Variants in ELMO1 observed in about 807,000 individuals in gnomAD.
The protein encoded by ELMO1 is engulfment and cell motility protein 1.
In ELMO1, 26 loss-of-function variants were observed where a neutral mutation model predicts 98.9. That is an observed-to-expected ratio of 0.26 (90% CI 0.19 to 0.36). The LOEUF (loss-of-function observed/expected upper bound fraction) is 0.36. ELMO1 is among the 10% of genes least tolerant of loss of function. The probability of loss-of-function intolerance (pLI) is 1.00; values close to 1 mark genes in which losing one functional copy is unlikely to be tolerated. For missense variants in ELMO1, 627 were observed against 935.2 expected (o/e 0.67, Z 4.30); for synonymous variants, 346 against 346.0 (o/e 1.00, Z 0.00).
At chr7:36,884,487 GAAGA>G (rs1804760656) in intron 18 of ELMO1, among the ~76,000 whole-genome samples, 1 of 152,072 alleles carries the variant, frequency 6.6e-6, no homozygotes, top group Admixed American at 6.5e-5. Flanking sequence ...TTTGAAAGAC[GAAGA>G]AAGAGGAGCA....
chr7:37,005,950 T>C (rs1041669805), intron 16 of ELMO1, among the ~76,000 whole-genome samples: 5 of 152,200 alleles, frequency 3.3e-5, no homozygotes, highest in African/African-American at 4.8e-5. Context: ...ACAGCCATCC[T>C]AGCTGTGGGT....
intron 13 of ELMO1, among the ~76,000 whole-genome samples, chr7:37,191,514 A>G (rs1219583116): frequency 6.6e-6 from 1 of 152,226 alleles, no homozygotes; most frequent in Non-Finnish European, 1.5e-5. Flanking sequence ...ATAATCCTCA[A>G]TGTGGACAAA....
intron 1 of ELMO1, among the ~76,000 whole-genome samples, chr7:37,378,595 G>GA (rs140634414): frequency 0.079 from 11,672 of 147,430 alleles, 497 homozygotes; most frequent in Non-Finnish European, 0.096. Context: ...TGGTATAAAC[G>GA]AAAAAAAAAA....
At chr7:37,076,993 C>G (rs1797617748) in intron 15 of ELMO1, among the ~76,000 whole-genome samples, 1 of 152,184 alleles carries the variant, frequency 6.6e-6, no homozygotes, top group South Asian at 2.1e-4. Context: ...CCAATTATGC[C>G]CCCGACAACA....
At chr7:37,374,593 T>C (rs908535734) in intron 1 of ELMO1, among the ~76,000 whole-genome samples, 2 of 150,676 alleles carry the variant, frequency 1.3e-5, no homozygotes, top group African/African-American at 4.9e-5. Flanking sequence ...GTACTAAAAA[T>C]ACAAAAAATT....
chr7:37,404,125 C>A lies in ELMO1; in HGVS notation c.-74+44550G>T, dbSNP rs75257459. ...GAAAATGAGGGGTGGGAAACAGAAT[C>A]CCTAAAATTGTAATCATTTTTTCTC... is the stretch of plus-strand genomic sequence containing the variant. On this transcript the variant is annotated intron_variant, in intron 1 of 21. Transcript: ENST00000310758. Among the ~76,000 whole-genome samples the A allele has an allele frequency of 5.7e-3, 865 of 152,120 alleles. 25 individuals are homozygous for A. In the East Asian group the frequency reaches 0.073, roughly 13 times the overall value.
chr7:36,925,262 T>G (rs936198640), intron 16 of ELMO1, among the ~76,000 whole-genome samples: 9 of 152,186 alleles, frequency 5.9e-5, no homozygotes, highest in African/African-American at 2.2e-4. Context: ...TAAAACCATT[T>G]TTATACTTCA....
intron 16 of ELMO1, among the ~76,000 whole-genome samples, chr7:36,955,873 T>G (rs889261803): frequency 2.6e-5 from 4 of 152,208 alleles, no homozygotes; most frequent in Non-Finnish European, 5.9e-5. Flanking sequence ...ATTCTTGTTC[T>G]TTGTAGGATC....
At chr7:37,363,683 C>T (rs559861479) in intron 1 of ELMO1, among the ~76,000 whole-genome samples, 38 of 152,302 alleles carry the variant, frequency 2.5e-4, no homozygotes, top group Non-Finnish European at 4.1e-4. Flanking sequence ...TCACTTCTCC[C>T]CTTTCATTTT....
At chr7:37,049,359 G>T (rs977442955) in intron 15 of ELMO1, among the ~76,000 whole-genome samples, 2 of 152,142 alleles carry the variant, frequency 1.3e-5, no homozygotes, top group East Asian at 1.9e-4. Context: ...AAGCTATTCT[G>T]CTACAGAAAG....
chr7:37,448,631 T>A (rs1358766196), intron 1 of ELMO1, 44 bp downstream of exon 1: 2 of 151,968 alleles, frequency 1.3e-5, no homozygotes, highest in Non-Finnish European at 2.9e-5. Context: ...CGCGCCGAGG[T>A]CAGCGAGTCG....
intron 1 of ELMO1, among the ~76,000 whole-genome samples, chr7:37,401,565 C>T (rs1803528574): frequency 2.0e-5 from 3 of 152,122 alleles, no homozygotes; most frequent in Admixed American, 6.5e-5. Flanking sequence ...AAGGAGGCCT[C>T]AGGAAACTTA....
chr7:37,442,463 C>T (rs1431460431), intron 1 of ELMO1, among the ~76,000 whole-genome samples: 1 of 152,204 alleles, frequency 6.6e-6, no homozygotes, highest in East Asian at 1.9e-4. Flanking sequence ...CAGGTGGTTC[C>T]ATGCTTTTGC....
intron 1 of ELMO1, among the ~76,000 whole-genome samples, chr7:37,390,740 G>C (rs1228477879): frequency 6.6e-6 from 1 of 152,156 alleles, no homozygotes; most frequent in African/African-American, 2.4e-5. Flanking sequence ...GAGACTTATA[G>C]GTGCTTACCA....
chr7:36,866,465 G>C (rs184731740), intron 20 of ELMO1, among the ~76,000 whole-genome samples: 1 of 152,308 alleles, frequency 6.6e-6, no homozygotes, highest in Admixed American at 6.5e-5. Flanking sequence ...CATGCTGACT[G>C]AGTGGATGAC....
chr7:37,140,508 G>A (rs75867005), intron 13 of ELMO1, among the ~76,000 whole-genome samples: 8 of 152,078 alleles, frequency 5.3e-5, no homozygotes, highest in South Asian at 2.1e-4. Context: ...AAAAGCAAAT[G>A]CAACAAAAAC....
chr7:36,878,201 T>A, intron 18 of ELMO1, 84 bp from the exon 19 acceptor site: 1 of 1,013,686 alleles, frequency 9.9e-7, no homozygotes. Context: ...TACTCTTGCC[T>A]GGAGGAAACA....
At chr7:37,044,904 T>C (rs1187539920) in intron 15 of ELMO1, among the ~76,000 whole-genome samples, 1 of 152,256 alleles carries the variant, frequency 6.6e-6, no homozygotes, top group Non-Finnish European at 1.5e-5. Flanking sequence ...TGTCACTTGC[T>C]GTGGCTGCTG....
intron 1 of ELMO1, among the ~76,000 whole-genome samples, chr7:37,437,545 AC>A (rs371963834): frequency 9.7e-4 from 148 of 152,368 alleles, no homozygotes; most frequent in African/African-American, 2.8e-3. Context: ...TTTATGAGGT[AC>A]AATTGGACGT....
Sources: allele counts gnomAD v4.1 joint callset (sites outside exome capture counted in the v4.1 genomes callset), GRCh38; gene constraint gnomAD v4.1.1; transcripts MANE v1.5; gene names NCBI Gene and HGNC (gene_info 2026-07-23, HGNC 2026-07-21).